The following CSGALNACT1 variants were observed in gnomAD, a reference collection of about 807,000 sequenced individuals.
The protein encoded by CSGALNACT1 is beta4GalNAcT-1.
Under a neutral mutation model 51.0 loss-of-function variants are expected in CSGALNACT1, and 52 were observed. That is an observed-to-expected ratio of 1.02 (90% confidence interval 0.82 to 1.29). The LOEUF is 1.29. Among genes scored for constraint, CSGALNACT1 ranks in the 50% most tolerant of loss-of-function variants. The probability of loss-of-function intolerance (pLI) is 0.00; values close to 1 mark genes in which losing one functional copy is unlikely to be tolerated. For missense variants in CSGALNACT1, 935 were observed against 679.2 expected, an observed-to-expected ratio of 1.38 and a Z score of -4.19; for synonymous variants, 341 against 254.4, an observed-to-expected ratio of 1.34 and a Z score of -3.24.
At chr8:19,541,598 C>G (rs981949148) in intron 3 of CSGALNACT1, among the ~76,000 whole-genome samples, 2 of 109,296 alleles carry the variant, frequency 1.8e-5, no homozygotes, top group Non-Finnish European at 3.6e-5. Context: ...CAGGAATTCA[C>G]CACATTGGCC....
At chr8:19,486,047 T>A (rs1398805659) in intron 4 of CSGALNACT1, among the ~76,000 whole-genome samples, 1 of 151,880 alleles carries the variant, frequency 6.6e-6, no homozygotes, top group Non-Finnish European at 1.5e-5. Flanking sequence ...ATTACAGGCG[T>A]GAGCCACCGT....
intron 3 of CSGALNACT1, among the ~76,000 whole-genome samples, chr8:19,574,969 A>G (rs1212922932): frequency 6.6e-6 from 1 of 151,742 alleles, no homozygotes; most frequent in Non-Finnish European, 1.5e-5. Context: ...CTGGAAGTGG[A>G]GGTTGCAGTG....
intron 1 of CSGALNACT1, among the ~76,000 whole-genome samples, chr8:19,729,468 T>C (rs1479741955): frequency 6.6e-6 from 1 of 152,054 alleles, no homozygotes; most frequent in Non-Finnish European, 1.5e-5. Flanking sequence ...GTCTGCCTTG[T>C]GAAGTAGTGA....
chr8:19,560,181 C>T (rs1034506990), intron 3 of CSGALNACT1, among the ~76,000 whole-genome samples: 45 of 152,278 alleles, frequency 3.0e-4, no homozygotes, highest in Non-Finnish European at 5.0e-4. Flanking sequence ...CTAAATGGAA[C>T]TAGAGTATCC....
upstream of CSGALNACT1, chr8:19,683,102 T>A (rs2060749333): frequency 4.5e-6 from 1 of 220,970 alleles, no homozygotes; most frequent in African/African-American, 2.2e-5. Context: ...TCACAGGACA[T>A]AATGGAATGA....
chr8:19,440,134 A>C (rs1380138069), intron 5 of CSGALNACT1, among the ~76,000 whole-genome samples: 1 of 152,194 alleles, frequency 6.6e-6, no homozygotes, highest in African/African-American at 2.4e-5. Context: ...GACAACAAGG[A>C]AATTTAAACA....
intron 1 of CSGALNACT1, among the ~76,000 whole-genome samples, chr8:19,640,000 G>A (rs561508883): frequency 6.0e-5 from 9 of 151,250 alleles, no homozygotes; most frequent in East Asian, 1.9e-4. Flanking sequence ...CTCCCACCTC[G>A]GCCTCCCAAG....
rs535964683 is a variant in CSGALNACT1 at position 19,691,308 on chromosome 8, C to G, written c.-297+66542G>C. Among the ~76,000 whole-genome samples, 8 of 152,260 alleles carry G rather than the reference C, an allele frequency of 5.3e-5. No homozygotes were observed. The South Asian group carries it at 1.7e-3, about 32-fold the overall frequency. The stretch of plus-strand genomic sequence containing the variant: ...CGATGCACAGGCCTCCTCCCAAACA[C>G]CGCTGAGCAGGGCTTCTAGATCTCA... On this transcript the variant is annotated intron_variant, in intron 1 of 1. Coordinates refer to the CSGALNACT1 transcript ENST00000517494.
Position 19,418,640 on chromosome 8 carries a change from C to T in CSGALNACT1, c.1227+16G>A. ...AAACAGAGCCACACAGAGCCATCTG[C>T]AGGGTAATTACTCACCAGCTGCTGT... On this transcript the variant is annotated intron_variant, in intron 8 of 9. Coordinates refer to ENST00000454498, the Ensembl canonical transcript of CSGALNACT1. 1 of 1,554,746 alleles carries T rather than the reference C, an allele frequency of 6.4e-7. No homozygotes were observed. The highest frequency in any genetic ancestry group is 8.9e-7 in the Non-Finnish European group (1 of 1,125,972).
At chr8:19,482,281 A>G (rs2071613332) in intron 4 of CSGALNACT1, among the ~76,000 whole-genome samples, 1 of 152,218 alleles carries the variant, frequency 6.6e-6, no homozygotes, top group Non-Finnish European at 1.5e-5. Flanking sequence ...TTTTAATTGT[A>G]TATGATTTTA....
In CSGALNACT1 at chr8:19,629,102, C is replaced by T. The variant is rs183056910; in HGVS notation, c.-543-27237G>A. On this transcript the variant is annotated intron_variant, in intron 1 of 9. Coordinates refer to the CSGALNACT1 transcript ENST00000332246. The stretch of plus-strand genomic sequence containing the variant: ...CAAGTAATTGGAGTTATTCAATCTA[C>T]GGGAAATCAAGAGAGTAGTTTAATT... Among the ~76,000 whole-genome samples, 157 of 152,172 alleles carry T rather than the reference C, an allele frequency of 1.0e-3. 1 individual carries two copies. The South Asian group carries it at 0.026, about 25-fold the overall frequency.
intron 1 of CSGALNACT1, among the ~76,000 whole-genome samples, chr8:19,613,569 G>C (rs575760467): frequency 6.6e-6 from 1 of 152,232 alleles, no homozygotes; most frequent in Admixed American, 6.5e-5. Context: ...CTTTCAGCTC[G>C]TTGTTTCCAC....
chr8:19,556,428 T>G (rs2039449157), intron 3 of CSGALNACT1, among the ~76,000 whole-genome samples: 1 of 152,076 alleles, frequency 6.6e-6, no homozygotes, highest in Admixed American at 6.6e-5. Context: ...AAAATCCTAC[T>G]TTAACATCTG....
chr8:19,503,599 T>G (rs932695674), intron 4 of CSGALNACT1, among the ~76,000 whole-genome samples: 22 of 152,132 alleles, frequency 1.4e-4, no homozygotes, highest in African/African-American at 5.3e-4. Context: ...TTAATGATTT[T>G]CCCTGAGGGT....
At chr8:19,525,615 CAAAAAAAAAAAAAAA>C (rs34787475) in intron 3 of CSGALNACT1, among the ~76,000 whole-genome samples, 15 of 20,394 alleles carry the variant, frequency 7.4e-4, no homozygotes, top group East Asian at 4.2e-3. Context: ...AAACTTGTCC[CAAAAAAAAAAAAAAA>C]AAAAAAAAAA....
intron 1 of CSGALNACT1, among the ~76,000 whole-genome samples, chr8:19,668,736 G>A (rs1376522567): frequency 6.6e-6 from 1 of 152,010 alleles, no homozygotes; most frequent in Non-Finnish European, 1.5e-5. Flanking sequence ...TGGATTATTA[G>A]GAGATGGGGT....
intron 1 of CSGALNACT1, among the ~76,000 whole-genome samples, chr8:19,727,405 T>C (rs530430762): frequency 6.6e-6 from 1 of 152,258 alleles, no homozygotes; most frequent in East Asian, 1.9e-4. Flanking sequence ...TGGAGTGCAG[T>C]GGTATGATCA....
At chr8:19,607,196 C>A (rs530918220), upstream of CSGALNACT1, among the ~76,000 whole-genome samples, 44 of 151,786 alleles carry the variant, frequency 2.9e-4, no homozygotes, top group African/African-American at 1.0e-3. Flanking sequence ...CCAGTAGGGA[C>A]CCTGCGTGGT....
At chr8:19,416,109 C>CTTTTTTTTTT (rs34491658) in intron 8 of CSGALNACT1, among the ~76,000 whole-genome samples, 1 of 116,716 alleles carries the variant, frequency 8.6e-6, no homozygotes, top group Non-Finnish European at 1.7e-5. Flanking sequence ...GAAATGAAAA[C>CTTTTTTTTTT]TTTTTTTTTT....
Sources: gnomAD v4.1 joint callset for allele counts (sites outside exome capture counted in the v4.1 genomes callset) on GRCh38, gnomAD v4.1.1 for gene constraint, MANE v1.5 for transcripts, NCBI Gene and HGNC (gene_info 2026-07-23, HGNC 2026-07-21) for gene names.